The following RAP1GDS1 variants were observed in gnomAD, a reference collection of about 807,000 sequenced individuals.
The protein encoded by RAP1GDS1 is RAP1, GTP-GDP dissociation stimulator 1.
In RAP1GDS1, 35 loss-of-function variants were observed where a neutral mutation model predicts 71.1. That is an observed-to-expected ratio of 0.49 (90% CI 0.38 to 0.65). The LOEUF (loss-of-function observed/expected upper bound fraction) is 0.65. Among genes scored for constraint, RAP1GDS1 ranks in the 30% least tolerant of loss-of-function variants. RAP1GDS1 has a pLI of 0.00. For synonymous variants in RAP1GDS1, 229 were observed against 243.1 expected (o/e 0.94, Z 0.54); for missense variants, 663 against 706.1 (o/e 0.94, Z 0.69).
intron 1 of RAP1GDS1, among the ~76,000 whole-genome samples, chr4:98,265,767 A>G (rs1409973218): frequency 6.6e-6 from 1 of 152,168 alleles, no homozygotes; most frequent in Non-Finnish European, 1.5e-5. Flanking sequence ...TAGAATTGGT[A>G]TATGGTTGGT....
At chr4:98,316,881 C>T (rs1731019884) in intron 2 of RAP1GDS1, among the ~76,000 whole-genome samples, 4 of 151,936 alleles carry the variant, frequency 2.6e-5, no homozygotes, top group African/African-American at 7.3e-5. Context: ...TCAAAGGGTA[C>T]GGTAAAAAGT....
intron 9 of RAP1GDS1, among the ~76,000 whole-genome samples, chr4:98,417,862 T>C (rs1380575609): frequency 3.3e-5 from 5 of 152,158 alleles, no homozygotes; most frequent in African/African-American, 7.2e-5. Flanking sequence ...CCTCAACTTA[T>C]ATACTTTTAT....
intron 2 of RAP1GDS1, among the ~76,000 whole-genome samples, chr4:98,313,406 G>A (rs1278396294): frequency 2.0e-5 from 3 of 152,210 alleles, no homozygotes; most frequent in Non-Finnish European, 2.9e-5. Flanking sequence ...CCTGGGCACT[G>A]TAGCCCAGCT....
intron 4 of RAP1GDS1, among the ~76,000 whole-genome samples, chr4:98,366,715 G>C (rs1739551507): frequency 6.6e-6 from 1 of 152,176 alleles, no homozygotes. Flanking sequence ...GGTGATTCTT[G>C]TTATGTTTTA....
Position 98,419,804 on chromosome 4 carries a change from T to C in RAP1GDS1, c.1175-215T>C, listed in dbSNP as rs73834485. On this transcript the variant is annotated intron_variant, in intron 10 of 14. Transcript: ENST00000408927. ...CATGATACTGTCATAAAAATTATTA[T>C]ATTGTCTGTTATCCGCTTATACACA... Among the ~76,000 whole-genome samples, 982 of 152,344 alleles carry C rather than the reference T, an allele frequency of 6.4e-3. 12 individuals carry two copies. Among genetic ancestry groups the C allele is most frequent in the African/African-American group, 0.021 (866 of 41,582 alleles).
At chr4:98,332,559 A>G (rs1164736645) in intron 2 of RAP1GDS1, among the ~76,000 whole-genome samples, 1 of 152,218 alleles carries the variant, frequency 6.6e-6, no homozygotes, top group Non-Finnish European at 1.5e-5. Context: ...ATGATGCATG[A>G]CCTGCAAATC....
At chr4:98,429,360 C>T (rs1750080322) in intron 12 of RAP1GDS1, among the ~76,000 whole-genome samples, 2 of 152,064 alleles carry the variant, frequency 1.3e-5, no homozygotes, top group African/African-American at 2.4e-5. Context: ...TCGCAGCAAC[C>T]TGGATGAGAT....
chr4:98,433,950 C>A lies in RAP1GDS1; in HGVS notation c.1455C>A (p.Thr485=). 6.2e-7 allele frequency: 1 copy of A among 1,606,428 alleles called. No homozygotes were observed. The highest frequency in any genetic ancestry group is 8.5e-7 in the Non-Finnish European group (1 of 1,173,214). ...ATTTATTGTAGGATGTAATTAAAAC[C>A]ATTGTGCAGAGTGGTGGCATCAAGC... The part of the protein sequence containing the change: ...RHSKSKDVIK[T]IVQSGGIKHL... The change falls in exon 13 of 15, where the codon ACC becomes ACA. Residue 485 remains threonine (T), a synonymous_variant. Coordinates refer to ENST00000408927, the MANE Select transcript of RAP1GDS1 (RefSeq NM_001100427.2).
intron 1 of RAP1GDS1, among the ~76,000 whole-genome samples, chr4:98,269,377 A>G (rs1404655498): frequency 2.6e-5 from 4 of 152,134 alleles, no homozygotes; most frequent in East Asian, 1.9e-4. Flanking sequence ...TGCGCGCAAG[A>G]AAATACTGGA....
In RAP1GDS1 at chr4:98,430,210, G is replaced by T. The variant is rs75347394; in HGVS notation, c.1441-3726G>T. Among the ~76,000 whole-genome samples the T allele has an allele frequency of 9.1e-3, 1,379 of 152,216 alleles. 23 individuals carry two copies. Among genetic ancestry groups the T allele is most frequent in the African/African-American group, 0.032 (1,310 of 41,526 alleles). ...TAGGAAAAGGTGGATGGGGGTGTGT[G>T]TAGCAGAAAACAACTTGAAATTATA... On this transcript the variant is annotated intron_variant, in intron 12 of 14. Coordinates refer to ENST00000408927, the MANE Select transcript of RAP1GDS1 (RefSeq NM_001100427.2).
In RAP1GDS1 at chr4:98,373,508, T is replaced by G. The variant is rs189214834; in HGVS notation, c.362-5509T>G. ...TGGGGTTCTCTAAGCTTTAATAGAT[T>G]TGTAGCATGATGGCTTTCATTTTTG... On this transcript the variant is annotated intron_variant, in intron 4 of 14. Coordinates refer to ENST00000408927, the MANE Select transcript of RAP1GDS1 (RefSeq NM_001100427.2). Among the ~76,000 whole-genome samples, 580 of 152,180 alleles carry G rather than the reference T, an allele frequency of 3.8e-3. 3 individuals are homozygous for G. Among genetic ancestry groups the G allele is most frequent in the Non-Finnish European group, 7.1e-3 (480 of 68,010 alleles).
intron 2 of RAP1GDS1, among the ~76,000 whole-genome samples, chr4:98,337,866 C>G (rs888318850): frequency 2.0e-5 from 3 of 151,878 alleles, no homozygotes; most frequent in African/African-American, 4.8e-5. Context: ...GGAGGAGTAT[C>G]AAGAGATAGG....
chr4:98,301,781 CTCCAGGTGACAGGTCAGGAAA>C (rs1208919867), intron 2 of RAP1GDS1, among the ~76,000 whole-genome samples: 1 of 152,158 alleles, frequency 6.6e-6, no homozygotes, highest in African/African-American at 2.4e-5. Flanking sequence ...AGTGCATGGA[CTCCAGGTGACAGGTCAGGAAA>C]GCACCACTTT....
intron 1 of RAP1GDS1, among the ~76,000 whole-genome samples, chr4:98,291,060 G>C (rs1726840251): frequency 6.6e-6 from 1 of 152,128 alleles, no homozygotes. Context: ...TATTGCTACA[G>C]AGATATCAAA....
intron 8 of RAP1GDS1, 109 bp downstream of exon 8, chr4:98,416,997 C>T (rs60544326): frequency 3.2e-6 from 4 of 1,240,694 alleles, no homozygotes; most frequent in Admixed American, 4.4e-5. Flanking sequence ...TCCTATCTCA[C>T]CTGCTATTGA....
At chr4:98,353,534 A>G (rs1258823643) in intron 4 of RAP1GDS1, among the ~76,000 whole-genome samples, 7 of 152,178 alleles carry the variant, frequency 4.6e-5, no homozygotes, top group Non-Finnish European at 1.0e-4. Context: ...ATAAAGAAGT[A>G]GGAAAAAAGA....
chr4:98,325,260 A>G (rs534362690), intron 2 of RAP1GDS1, among the ~76,000 whole-genome samples: 3,746 of 150,626 alleles, frequency 0.025, 149 homozygotes, highest in African/African-American at 0.086. Flanking sequence ...ATCATTAAAA[A>G]GTCAGGAAAC....
At position 98,442,912 on chromosome 4, in the gene RAP1GDS1, T is replaced by C. The variant is rs535064983; in HGVS notation, c.*795T>C. On this transcript the variant is annotated 3_prime_UTR_variant, in exon 15 of 15. Coordinates refer to ENST00000408927, the MANE Select transcript of RAP1GDS1 (RefSeq NM_001100427.2). ...ATACGCTGTTTCACTCAGGAACTAC[T>C]TCTACCAGTTAATCAGCATTATCCA... 1.5e-4 allele frequency: 35 copies of C among 231,944 alleles called. No homozygotes were observed. The highest frequency in any genetic ancestry group is 2.6e-4 in the Non-Finnish European group (31 of 117,290). The allele number at this position is 231,944 out of a possible 1,614,324, so 14.4% of individuals were successfully genotyped here. A position where few individuals can be genotyped will look rare whatever the true frequency, so the allele number is the denominator to read the frequency against.
chr4:98,316,157 G>T (rs1264223067), intron 2 of RAP1GDS1, among the ~76,000 whole-genome samples: 1 of 152,054 alleles, frequency 6.6e-6, no homozygotes, highest in African/African-American at 2.4e-5. Context: ...AAATAGATAG[G>T]GTTTAGGGTA....
Sources: gnomAD v4.1 joint callset for allele counts (sites outside exome capture counted in the v4.1 genomes callset) on GRCh38, gnomAD v4.1.1 for gene constraint, MANE v1.5 for transcripts, NCBI Gene and HGNC (gene_info 2026-07-23, HGNC 2026-07-21) for gene names.